MCOLN2: variants seen among roughly 807,000 people sequenced by gnomAD.
MCOLN2 encodes mucolipin-2.
Under a neutral mutation model 67.5 loss-of-function variants are expected in MCOLN2, and 57 were observed. The observed-to-expected ratio is 0.84, with a 90% CI of 0.68 to 1.05. The LOEUF (loss-of-function observed/expected upper bound fraction) is 1.05. Ranked by LOEUF, MCOLN2 falls within the 50% of genes least tolerant of loss-of-function variation. The pLI is 0.00. For missense variants in MCOLN2, 620 were observed against 678.8 expected (o/e 0.91, Z 0.96); for synonymous variants, 246 against 233.3 (o/e 1.05, Z -0.50).
chr1:84,958,796 A>G (rs674182), intron 2 of MCOLN2, 94 bp from the exon 3 acceptor site: 302,351 of 893,736 alleles, frequency 0.34, 53,077 homozygotes, highest in African/African-American at 0.44. Flanking sequence ...ACCTATAAAC[A>G]TCAGAAAATA....
At position 84,956,558 on chromosome 1, in the gene MCOLN2, C is replaced by T; in HGVS notation, c.438G>A (p.Leu146=). ...NQYHQLKDIT[L]GTLGYGENED... is the part of the protein sequence containing the mutation. ...CATTTTCTCCATAACCAAGGGTCCC[C>T]AGGGTAATGTCCTTTAGCTGATGAT... The change falls in exon 4 of 14, where the codon CTG becomes CTA. Residue 146 remains leucine (L), a synonymous_variant. Coordinates refer to ENST00000370608, the MANE Select transcript of MCOLN2 (RefSeq NM_153259.4). The T allele has an allele frequency of 1.2e-6, 2 of 1,607,864 alleles. No individual in the cohort carries two copies. The highest frequency in any genetic ancestry group is 2.2e-5 in the East Asian group (1 of 44,712).
At chr1:84,986,592 G>GAATA (rs111500652) in intron 1 of MCOLN2, among the ~76,000 whole-genome samples, 22,188 of 143,384 alleles carry the variant, frequency 0.15, 1,788 homozygotes, top group East Asian at 0.26. Context: ...ACAATCAGCA[G>GAATA]AATAGACAAC....
In MCOLN2 at chr1:84,962,410, T is replaced by C. The variant is rs1242136488; in HGVS notation, c.237+3139A>G. Among the ~76,000 whole-genome samples, 3 of 152,152 alleles carry C rather than the reference T, an allele frequency of 2.0e-5. No individual in the cohort carries two copies. In the East Asian group the frequency reaches 5.8e-4, roughly 29 times the overall value. On this transcript the variant is annotated intron_variant, in intron 2 of 13. Coordinates refer to ENST00000370608, the MANE Select transcript of MCOLN2 (RefSeq NM_153259.4). ...AAATAAAATAAAAAGCCAGGTGCAGTGGCATGTGCCTTTAGTCAGCTGTTT... is the reference window on the plus strand; with the variant it reads ...AAATAAAATAAAAAGCCAGGTGCAGCGGCATGTGCCTTTAGTCAGCTGTTT...
intron 1 of MCOLN2, among the ~76,000 whole-genome samples, chr1:84,977,053 A>C (rs1278319258): frequency 6.6e-6 from 1 of 152,214 alleles, no homozygotes; most frequent in Non-Finnish European, 1.5e-5. Flanking sequence ...CAAGACATAG[A>C]CAGTACAATA....
At chr1:84,927,641 G>A (rs1464404221) in intron 13 of MCOLN2, among the ~76,000 whole-genome samples, 2 of 152,242 alleles carry the variant, frequency 1.3e-5, no homozygotes, top group East Asian at 3.8e-4. Context: ...TCTGCAGGAA[G>A]CAGCACTGGG....
chr1:84,941,492 G>A (rs1413892379), intron 7 of MCOLN2, among the ~76,000 whole-genome samples: 1 of 151,992 alleles, frequency 6.6e-6, no homozygotes, highest in Non-Finnish European at 1.5e-5. Flanking sequence ...GCGAGATTCT[G>A]TCTCAAAACA....
intron 6 of MCOLN2, among the ~76,000 whole-genome samples, 191 bp downstream of exon 6, chr1:84,952,052 A>T (rs548390843): frequency 4.3e-4 from 66 of 152,228 alleles, no homozygotes; most frequent in African/African-American, 1.5e-3. Context: ...ACGCCACTGC[A>T]CTCCAGCCTG....
intron 4 of MCOLN2, 95 bp from the exon 5 acceptor site, chr1:84,952,625 G>A (rs912947900): frequency 2.2e-5 from 17 of 771,788 alleles, no homozygotes; most frequent in South Asian, 7.6e-5. Flanking sequence ...GGTTACTTAC[G>A]GAGTTTCAAA....
At chr1:84,992,594 G>C (rs754795449) in intron 1 of MCOLN2, among the ~76,000 whole-genome samples, 1 of 152,182 alleles carries the variant, frequency 6.6e-6, no homozygotes, top group Non-Finnish European at 1.5e-5. Context: ...TAAAATTACA[G>C]GCACACCTCA....
intron 2 of MCOLN2, among the ~76,000 whole-genome samples, chr1:84,960,603 C>T (rs1649035894): frequency 6.6e-6 from 1 of 152,212 alleles, no homozygotes; most frequent in African/African-American, 2.4e-5. Flanking sequence ...AGAAGTCCCA[C>T]ATCATCCAGC....
At chr1:84,996,190 C>T (rs1180912268) in intron 1 of MCOLN2, among the ~76,000 whole-genome samples, 2 of 152,076 alleles carry the variant, frequency 1.3e-5, no homozygotes, top group Non-Finnish European at 2.9e-5. Context: ...GTGAAACCCA[C>T]ATCCCATTTC....
chr1:84,960,051 T>C (rs1191134552), intron 2 of MCOLN2, among the ~76,000 whole-genome samples: 1 of 152,138 alleles, frequency 6.6e-6, no homozygotes, highest in East Asian at 1.9e-4. Context: ...TAAAGTAAAA[T>C]AGCTAATATT....
Position 84,937,884 on chromosome 1 carries a change from A to G in MCOLN2, c.1213-7T>C. Reference sequence around the variant, plus strand: ...GCATTGTTAAAATCAGCACCTGAAAAAAAGAACAGAATGGGTGAAATGAAA... The same window carrying G: ...GCATTGTTAAAATCAGCACCTGAAAGAAAGAACAGAATGGGTGAAATGAAA... On this transcript the variant is annotated splice_polypyrimidine_tract_variant and splice_region_variant and intron_variant, in intron 10 of 13. Transcript: ENST00000370608. The G allele has an allele frequency of 6.2e-7, 1 of 1,614,158 alleles. No individual in the cohort carries two copies. The highest frequency in any genetic ancestry group is 8.5e-7 in the Non-Finnish European group (1 of 1,180,022).
chr1:84,995,806 T>TAAAAA (rs760666732), intron 1 of MCOLN2, among the ~76,000 whole-genome samples: 8,814 of 150,392 alleles, frequency 0.059, 365 homozygotes, highest in East Asian at 0.25. Flanking sequence ...TCTATTTTTT[T>TAAAAA]AAAAAAAAAC....
intron 9 of MCOLN2, among the ~76,000 whole-genome samples, chr1:84,938,865 C>T (rs1647583537): frequency 6.6e-6 from 1 of 152,160 alleles, no homozygotes; most frequent in Admixed American, 6.6e-5. Flanking sequence ...GCTGGATAGA[C>T]ACTTCCAGAA....
intron 2 of MCOLN2, among the ~76,000 whole-genome samples, chr1:84,961,329 G>T (rs1202555704): frequency 6.6e-6 from 1 of 151,548 alleles, no homozygotes; most frequent in Admixed American, 6.6e-5. Context: ...TGAAGCTAAA[G>T]AAATAAAAAA....
chr1:84,989,522 GGAAAGA>G (rs1380789537), intron 1 of MCOLN2, among the ~76,000 whole-genome samples: 6 of 151,420 alleles, frequency 4.0e-5, no homozygotes, highest in African/African-American at 1.5e-4. Context: ...TATCCATTTG[GGAAAGA>G]GAAAGAGTAT....
In MCOLN2 at chr1:84,929,600, T is replaced by A. The variant is rs1458968619; in HGVS notation, c.1622A>T (p.Lys541Ile). The change falls in exon 13 of 14, where the codon AAA becomes ATA. Residue 541 changes from lysine (K) to isoleucine (I), a missense_variant. Coordinates refer to ENST00000370608, the MANE Select transcript of MCOLN2 (RefSeq NM_153259.4). ...GCAGGACAGGAAGGCTGAGGACTCTTTCTGATACTCTTCTTTGCTACTGCA... is the reference window on the plus strand; with the variant it reads ...GCAGGACAGGAAGGCTGAGGACTCTATCTGATACTCTTCTTTGCTACTGCA... ...KECSSKEEYQ[K>I]ESSAFLSCIC... The A allele has an allele frequency of 6.2e-7, 1 of 1,613,904 alleles. No individual in the cohort carries two copies. Among genetic ancestry groups the A allele is most frequent in the Admixed American group, 1.7e-5 (1 of 60,016 alleles).
Position 84,976,845 on chromosome 1 carries a change from G to C in MCOLN2, c.78-11137C>G, listed in dbSNP as rs181632890. On this transcript the variant is annotated intron_variant, in intron 1 of 13. Coordinates refer to ENST00000370608, the MANE Select transcript of MCOLN2 (RefSeq NM_153259.4). ...CCTGTCCTACAAAAAATGCTGAAGA[G>C]AGTACTTCAATCAGAAAGAAAAGGA... Among the ~76,000 whole-genome samples the C allele has an allele frequency of 5.3e-5, 8 of 152,274 alleles. No individual in the cohort carries two copies. The East Asian group carries it at 9.6e-4, about 18-fold the overall frequency.
Sources: allele counts gnomAD v4.1 joint callset (sites outside exome capture counted in the v4.1 genomes callset), GRCh38; gene constraint gnomAD v4.1.1; transcripts MANE v1.5; gene names NCBI Gene and HGNC (gene_info 2026-07-23, HGNC 2026-07-21).